Variants in GOLGA4 observed in about 807,000 individuals in gnomAD.
GOLGA4 encodes the protein golgin subfamily A member 4.
A neutral mutation model predicts 265.9 loss-of-function variants in GOLGA4; 169 were observed. The ratio of observed to expected loss-of-function variants is 0.64; its 90% CI spans 0.56 to 0.72. The LOEUF (loss-of-function observed/expected upper bound fraction) is 0.72. Among genes scored for constraint, GOLGA4 ranks in the 30% least tolerant of loss-of-function variants. GOLGA4 has a pLI of 0.00. For missense variants in GOLGA4, 2,482 were observed against 2,483.4 expected (o/e 1.00, Z 0.01); for synonymous variants, 923 against 855.8 (o/e 1.08, Z -1.37).
intron 7 of GOLGA4, among the ~76,000 whole-genome samples, chr3:37,297,331 A>C (rs1006901319): frequency 1.3e-5 from 2 of 152,186 alleles, no homozygotes; most frequent in African/African-American, 4.8e-5. Context: ...CGGCGGGGCC[A>C]GTCCCGAAAT....
intron 23 of GOLGA4, among the ~76,000 whole-genome samples, chr3:37,362,085 G>A (rs1696318393): frequency 6.6e-6 from 1 of 152,080 alleles, no homozygotes. Context: ...ATCACAATTA[G>A]TAGGGCTTCA....
chr3:37,349,674 CAT>C (rs1373625407), intron 21 of GOLGA4, among the ~76,000 whole-genome samples: 1 of 152,130 alleles, frequency 6.6e-6, no homozygotes, highest in East Asian at 1.9e-4. Context: ...TGTTTTTAGA[CAT>C]GTCTTTTGTG....
intron 2 of GOLGA4, among the ~76,000 whole-genome samples, chr3:37,278,042 A>G (rs1450220004): frequency 6.6e-6 from 1 of 152,204 alleles, no homozygotes; most frequent in East Asian, 1.9e-4. Flanking sequence ...TATTTCAAAA[A>G]CAAAGTACAT....
intron 20 of GOLGA4, among the ~76,000 whole-genome samples, chr3:37,342,176 C>G (rs1335476936): frequency 6.6e-6 from 1 of 152,036 alleles, no homozygotes; most frequent in African/African-American, 2.4e-5. Flanking sequence ...AACCCCATCT[C>G]CACTAAAAAT....
intron 11 of GOLGA4, 47 bp downstream of exon 11, chr3:37,315,645 T>G (rs773389792): frequency 2.7e-6 from 4 of 1,471,814 alleles, no homozygotes; most frequent in Non-Finnish European, 3.8e-6. Context: ...ATTTGAAATT[T>G]AAGTGTATTT....
chr3:37,287,079 G>A (rs1013798324), intron 4 of GOLGA4, among the ~76,000 whole-genome samples: 2 of 152,178 alleles, frequency 1.3e-5, no homozygotes, highest in East Asian at 1.9e-4. Context: ...GGTGGCTCAC[G>A]CCTGTAATCC....
In GOLGA4 at chr3:37,337,669, C is replaced by T; in HGVS notation, c.6331C>T (p.Gln2111Ter). Residue 2111 changes from glutamine to a stop codon, truncating the protein, a stop_gained, in exon 19 of 24, where the codon CAG becomes TAG. Transcript: ENST00000361924. LOFTEE classifies it high-confidence loss of function. ...DNVTIMELQTQLAQKTTLISD... is the reference protein window; with the variant it reads ...DNVTIMELQT ...ATCTGACTTTTTGTTCTTTCAGACA[C>T]AGCTAGCACAGAAGACGACTTTAAT... 8 of 1,607,370 alleles carry T rather than the reference C, an allele frequency of 5.0e-6. No homozygotes were observed. Among genetic ancestry groups the T allele is most frequent in the Non-Finnish European group, 6.0e-6 (7 of 1,173,866 alleles).
intron 6 of GOLGA4, 94 bp from the exon 7 acceptor site, chr3:37,295,993 A>T: frequency 8.8e-7 from 1 of 1,130,320 alleles, no homozygotes. Context: ...TTAACAGGGA[A>T]TCCTGGAACC....
intron 20 of GOLGA4, among the ~76,000 whole-genome samples, chr3:37,346,586 C>T (rs771554469): frequency 4.6e-5 from 7 of 152,026 alleles, no homozygotes; most frequent in East Asian, 1.9e-4. Flanking sequence ...TTAGTTGTTG[C>T]GATTTTGCTT....
chr3:37,346,413 A>G (rs1422389577), intron 20 of GOLGA4, among the ~76,000 whole-genome samples: 2 of 152,228 alleles, frequency 1.3e-5, no homozygotes, highest in Non-Finnish European at 2.9e-5. Context: ...TATAGAAATG[A>G]CATCATACTG....
At chr3:37,354,205 T>C (rs1420974185) in intron 21 of GOLGA4, among the ~76,000 whole-genome samples, 2 of 152,064 alleles carry the variant, frequency 1.3e-5, no homozygotes, top group African/African-American at 4.8e-5. Flanking sequence ...TCACTTCCAC[T>C]CTTCTCCCTT....
At chr3:37,272,188 G>A (rs905328743) in intron 2 of GOLGA4, among the ~76,000 whole-genome samples, 1 of 151,964 alleles carries the variant, frequency 6.6e-6, no homozygotes, top group Non-Finnish European at 1.5e-5. Flanking sequence ...CTGCACCCCC[G>A]GTCTGTAGAA....
chr3:37,295,107 T>A, intron 6 of GOLGA4, 30 bp downstream of exon 6: 2 of 1,320,506 alleles, frequency 1.5e-6, no homozygotes, highest in South Asian at 1.4e-5. Context: ...AGTGTGGAAT[T>A]TTTTGGATAA....
chr3:37,258,219 A>G (rs1178126973), intron 2 of GOLGA4, among the ~76,000 whole-genome samples: 3 of 147,012 alleles, frequency 2.0e-5, no homozygotes, highest in Non-Finnish European at 4.5e-5. Flanking sequence ...GCATATATAT[A>G]TGCTCTGTAT....
At chr3:37,338,947 C>T (rs901356539) in intron 19 of GOLGA4, among the ~76,000 whole-genome samples, 16 of 151,220 alleles carry the variant, frequency 1.1e-4, no homozygotes, top group East Asian at 1.9e-4. Flanking sequence ...CTGCAAGCTC[C>T]GCCTCCCGGA....
At chr3:37,298,743 T>G in intron 7 of GOLGA4, 90 bp from the exon 8 acceptor site, 1 of 860,516 alleles carries the variant, frequency 1.2e-6, no homozygotes, top group South Asian at 1.8e-5. Flanking sequence ...TCGGTTAGAT[T>G]AGATCTCTTT....
intron 2 of GOLGA4, among the ~76,000 whole-genome samples, chr3:37,278,134 T>G (rs907667413): frequency 1.1e-4 from 16 of 151,714 alleles, no homozygotes; most frequent in African/African-American, 3.9e-4. Flanking sequence ...CAATAAAGTT[T>G]TTTTTGTTGT....
At chr3:37,311,870 C>T (rs1035554694) in intron 10 of GOLGA4, among the ~76,000 whole-genome samples, 1 of 152,060 alleles carries the variant, frequency 6.6e-6, no homozygotes, top group Non-Finnish European at 1.5e-5. Context: ...ACTTAATTAG[C>T]AGAAAATTAT....
At chr3:37,290,414 A>AT (rs1487980454) in intron 5 of GOLGA4, among the ~76,000 whole-genome samples, 1 of 152,164 alleles carries the variant, frequency 6.6e-6, no homozygotes, top group African/African-American at 2.4e-5. Context: ...GTCTCTCGCA[A>AT]TTTTTTTATA....
Sources: allele counts gnomAD v4.1 joint callset (sites outside exome capture counted in the v4.1 genomes callset), GRCh38; gene constraint gnomAD v4.1.1; transcripts MANE v1.5; gene names NCBI Gene and HGNC (gene_info 2026-07-23, HGNC 2026-07-21).